Variants in SCUBE3 observed in about 807,000 individuals in gnomAD.
SCUBE3 encodes the protein signal peptide, CUB and EGF-like domain-containing protein 3.
Under a neutral mutation model 116.8 loss-of-function variants are expected in SCUBE3, and 33 were observed. That is an observed-to-expected ratio of 0.28 (90% CI 0.21 to 0.38). SCUBE3 has a LOEUF of 0.38. Ranked by LOEUF, SCUBE3 falls within the 10% of genes least tolerant of loss-of-function variation. SCUBE3 has a pLI of 1.00. For synonymous variants in SCUBE3, 418 were observed against 496.9 expected, an observed-to-expected ratio of 0.84 and a Z score of 2.11; for missense variants, 1,007 against 1,324.8, an observed-to-expected ratio of 0.76 and a Z score of 3.72.
rs779888101 is a variant in SCUBE3 at position 35,235,687 on chromosome 6, G to A, written c.713-2215G>A. 1.4e-4 allele frequency among the ~76,000 whole-genome samples: 21 copies of A among 152,042 alleles called. No individual in the cohort carries two copies. Among genetic ancestry groups the A allele is most frequent in the Non-Finnish European group, 2.5e-4 (17 of 67,988 alleles). On this transcript the variant is annotated intron_variant, in intron 6 of 21. Transcript: ENST00000274938. This position sits in a 1 kb window ranked among gnomAD's most constrained non-coding sequence, Gnocchi z 4.5. ...AACCTGAGTCCCTAAGAGCTGGCCCGGGAGCTTTCATGTTGGTCTCGTCTT... is the reference window on the plus strand; with the variant it reads ...AACCTGAGTCCCTAAGAGCTGGCCCAGGAGCTTTCATGTTGGTCTCGTCTT...
At chr6:35,226,260 T>C (rs958830256) in intron 1 of SCUBE3, among the ~76,000 whole-genome samples, 2 of 152,164 alleles carry the variant, frequency 1.3e-5, no homozygotes, top group East Asian at 3.9e-4. Flanking sequence ...CCTCACCTTA[T>C]CTCTCATGTC....
In SCUBE3 at chr6:35,214,100, C is replaced by G; in HGVS notation, c.-319C>G. On this transcript the variant is annotated 5_prime_UTR_variant, in exon 1 of 22. Coordinates refer to ENST00000274938, the MANE Select transcript of SCUBE3 (RefSeq NM_152753.4). The surrounding 1 kb of genome is among the most constrained non-coding windows in gnomAD (Gnocchi z 6.3). ...AAGCTGGGAATTGGGTGGGATTACA[C>G]GGAGCAGCCCCGCCGCCGCCGCTGG... Among the ~76,000 whole-genome samples the G allele has an allele frequency of 6.6e-6, 1 of 152,174 alleles. No homozygotes were observed. Among genetic ancestry groups the G allele is most frequent in the East Asian group, 1.9e-4 (1 of 5,182 alleles).
rs1209713555 is a variant in SCUBE3 at position 35,216,637 on chromosome 6, A to G, written c.85+2134A>G. Among the ~76,000 whole-genome samples the G allele has an allele frequency of 2.6e-5, 4 of 152,318 alleles. No homozygotes were observed. The South Asian group carries it at 6.2e-4, about 24-fold the overall frequency. ...ACCTTACAGCCTTACCCATAGACAC[A>G]GTCTGTGAGCATCAGGGAGGCCTTA... On this transcript the variant is annotated intron_variant, in intron 1 of 21. Transcript: ENST00000274938.
rs770958135 is a variant in SCUBE3, at chr6:35,240,471, T to C, written c.1050T>C (p.Tyr350=). 4 of 1,602,840 alleles carry C rather than the reference T, an allele frequency of 2.5e-6. No individual in the cohort carries two copies. The highest frequency in any genetic ancestry group is 3.4e-5 in the Admixed American group (2 of 59,586). ...TCTGCCATCGTGGCTACCTGTTGTA[T>C]GGTATCACCCACTGTGGGGGTAAGC... ...QCLCHRGYLL[Y]GITHCGDVDE... The change falls in exon 9 of 22, where the codon TAT becomes TAC. Residue 350 remains tyrosine (Y), a synonymous_variant. Coordinates refer to ENST00000274938, the MANE Select transcript of SCUBE3 (RefSeq NM_152753.4). The surrounding 1 kb of genome is among the most constrained non-coding windows in gnomAD (Gnocchi z 4.6).
chr6:35,233,954 T>A lies in SCUBE3; in HGVS notation c.712+653T>A, dbSNP rs985133944. Among the ~76,000 whole-genome samples, 2 of 152,178 alleles carry A rather than the reference T, an allele frequency of 1.3e-5. No individual in the cohort carries two copies. The highest frequency in any genetic ancestry group is 2.9e-5 in the Non-Finnish European group (2 of 68,034). On this transcript the variant is annotated intron_variant, in intron 6 of 21. Coordinates refer to ENST00000274938, the MANE Select transcript of SCUBE3 (RefSeq NM_152753.4). The surrounding 1 kb of genome is among the most constrained non-coding windows in gnomAD (Gnocchi z 5.7). ...CCTCTCAGCTCCACCAGCAACCCTGTTTCTTCCTCACCAACTCCAGCCTTC... is the reference window on the plus strand; with the variant it reads ...CCTCTCAGCTCCACCAGCAACCCTGATTCTTCCTCACCAACTCCAGCCTTC...
chr6:35,238,765 G>A (rs561075784), intron 7 of SCUBE3, among the ~76,000 whole-genome samples: 1 of 152,232 alleles, frequency 6.6e-6, no homozygotes. Flanking sequence ...GGAAAGGGTG[G>A]AGGAAAAAGG....
chr6:35,241,481 C>A lies in SCUBE3; in HGVS notation c.1196-62C>A. On this transcript the variant is annotated intron_variant, in intron 10 of 21. Coordinates refer to ENST00000274938, the MANE Select transcript of SCUBE3 (RefSeq NM_152753.4). This position sits in a 1 kb window ranked among gnomAD's most constrained non-coding sequence, Gnocchi z 4.1. ...TAGTTATGCAAGTAGCTGATTCCTC[C>A]AAATTACCCAACTGAGGGAAAGGAA... 2 of 1,284,330 alleles carry A rather than the reference C, an allele frequency of 1.6e-6. No individual in the cohort carries two copies. Among genetic ancestry groups the A allele is most frequent in the Non-Finnish European group, 2.3e-6 (2 of 880,076 alleles). The allele number at this position is 1,284,330 out of a possible 1,614,324, so 79.6% of individuals were successfully genotyped here.
chr6:35,241,585 T>C lies in SCUBE3; in HGVS notation c.1238T>C (p.Met413Thr), dbSNP rs759648282. The change falls in exon 11 of 22, where the codon ATG (methionine) becomes ACG (threonine). Residue 413 changes from methionine (M) to threonine (T), a missense_variant. Physicochemically the swap from Met to Thr is moderately conservative, Grantham distance 81 (BLOSUM62 -1). This residue lies in a region of SCUBE3 where 544 missense variants were observed against 638.9 expected (regional missense o/e 0.85). Transcript: ENST00000274938. The surrounding 1 kb of genome is among the most constrained non-coding windows in gnomAD (Gnocchi z 4.1). Reference sequence around the variant, plus strand: ...GGCAGTCCTGGGGCCTCGAAAGCCATGCTCAGCTGCAACCGGTCTGGCAAG... The same window carrying C: ...GGCAGTCCTGGGGCCTCGAAAGCCACGCTCAGCTGCAACCGGTCTGGCAAG... ...CQGSPGASKA[M>T]LSCNRSGKKD... 6.2e-6 allele frequency: 10 copies of C among 1,614,080 alleles called. No individual in the cohort carries two copies. In the Admixed American group the frequency reaches 1.2e-4, roughly 19 times the overall value.
chr6:35,237,864 G>A (rs1783845432), intron 6 of SCUBE3, 38 bp from the exon 7 acceptor site: 3 of 1,353,988 alleles, frequency 2.2e-6, no homozygotes, highest in South Asian at 1.2e-5. Flanking sequence ...CTCCAGGCTT[G>A]TAACCTCATT....
chr6:35,244,652 C>T lies in SCUBE3; in HGVS notation c.2242C>T (p.Gln748Ter). The change falls in exon 18 of 22, where the codon CAG (glutamine) becomes TAG (stop). Residue 748 changes from glutamine to a stop codon, truncating the protein, a stop_gained and splice_region_variant. Coordinates refer to ENST00000274938, the MANE Select transcript of SCUBE3 (RefSeq NM_152753.4). LOFTEE classifies it high-confidence loss of function. This position sits in a 1 kb window ranked among gnomAD's most constrained non-coding sequence, Gnocchi z 4.3. ...ISFQDCDTKV[Q>*]CSPGHYYNTS... is the part of the protein sequence containing the mutation. ...CTGCCCTTCTCCCTTGCCTACAGTCCAGTGCTCCCCAGGGCACTACTACAA... is the reference window on the plus strand; with the variant it reads ...CTGCCCTTCTCCCTTGCCTACAGTCTAGTGCTCCCCAGGGCACTACTACAA... The T allele has an allele frequency of 6.2e-7, 1 of 1,613,742 alleles. No homozygotes were observed.
In SCUBE3 at chr6:35,233,112, A is replaced by G; in HGVS notation, c.596-73A>G. On this transcript the variant is annotated intron_variant, in intron 5 of 21. Transcript: ENST00000274938. This position sits in a 1 kb window ranked among gnomAD's most constrained non-coding sequence, Gnocchi z 5.7. ...GGGGAGGCAACTAGGCAAGGGGGCCAGTACCCACATTGTGGAAAACTGTGG... is the reference window on the plus strand; with the variant it reads ...GGGGAGGCAACTAGGCAAGGGGGCCGGTACCCACATTGTGGAAAACTGTGG... 8 of 1,473,096 alleles carry G rather than the reference A, an allele frequency of 5.4e-6. No individual in the cohort carries two copies. The highest frequency in any genetic ancestry group is 7.6e-6 in the Non-Finnish European group (8 of 1,057,914). 91.3% of individuals were successfully genotyped at this position (1,473,096 alleles called of 1,614,324 possible). A position where few individuals can be genotyped will look rare whatever the true frequency, so the allele number is the denominator to read the frequency against.
rs970835661 is a variant in SCUBE3 at position 35,250,132 on chromosome 6, C to T, written c.*1427C>T. On this transcript the variant is annotated 3_prime_UTR_variant, in exon 22 of 22. Coordinates refer to ENST00000274938, the MANE Select transcript of SCUBE3 (RefSeq NM_152753.4). The stretch of plus-strand genomic sequence containing the variant: ...GCTGTGGTAATCCAGGGTAATTGCG[C>T]AGAGGCATCTGATGTGTAGGAAAGT... 6 of 152,388 alleles carry T rather than the reference C, an allele frequency of 3.9e-5. No homozygotes were observed. Among genetic ancestry groups the T allele is most frequent in the African/African-American group, 1.4e-4 (6 of 41,456 alleles). 9.4% of individuals were successfully genotyped at this position (152,388 alleles called of 1,614,324 possible). A position where few individuals can be genotyped will look rare whatever the true frequency, so the allele number is the denominator to read the frequency against.
At position 35,251,376 on chromosome 6, in the gene SCUBE3, CTT is replaced by C. The variant is rs1206344818; in HGVS notation, c.*2672_*2673del. On this transcript the variant is annotated 3_prime_UTR_variant, in exon 22 of 22. Transcript: ENST00000274938. The stretch of plus-strand genomic sequence containing the variant: ...ATGTTGCCCGGGCTGGTCTTGAACT[CTT>C]GACCTCAGGTGATCCACCCGCCTCA... The C allele has an allele frequency of 6.6e-6, 1 of 152,104 alleles. No individual in the cohort carries two copies. The highest frequency in any genetic ancestry group is 2.4e-5 in the African/African-American group (1 of 41,382). The allele number at this position is 152,104 out of a possible 1,614,324, so 9.4% of individuals were successfully genotyped here. A position where few individuals can be genotyped will look rare whatever the true frequency, so the allele number is the denominator to read the frequency against.
At chr6:35,246,645 C>T (rs940219413) in intron 21 of SCUBE3, among the ~76,000 whole-genome samples, 1 of 152,184 alleles carries the variant, frequency 6.6e-6, no homozygotes. Flanking sequence ...TGCATAAGTC[C>T]CTTCCTTCCC....
intron 1 of SCUBE3, among the ~76,000 whole-genome samples, chr6:35,215,685 T>C (rs1782858051): frequency 6.6e-6 from 1 of 152,184 alleles, no homozygotes; most frequent in South Asian, 2.1e-4. Flanking sequence ...GATGGGCTCC[T>C]GCTCTGTGAA....
chr6:35,245,874 C>T lies in SCUBE3; in HGVS notation c.2600-70C>T. ...CCCTATACCCCCACCACCAGCTGTA[C>T]AGCCCACGTTCTAGGAGGGCTTGGG... On this transcript the variant is annotated intron_variant, in intron 19 of 21. Coordinates refer to ENST00000274938, the MANE Select transcript of SCUBE3 (RefSeq NM_152753.4). This position sits in a 1 kb window ranked among gnomAD's most constrained non-coding sequence, Gnocchi z 4.2. 2 of 1,528,872 alleles carry T rather than the reference C, an allele frequency of 1.3e-6. No homozygotes were observed. The highest frequency in any genetic ancestry group is 1.8e-6 in the Non-Finnish European group (2 of 1,115,394). 94.7% of individuals were successfully genotyped at this position (1,528,872 alleles called of 1,614,324 possible).
chr6:35,234,828 T>C (rs1783692666), intron 6 of SCUBE3, among the ~76,000 whole-genome samples: 1 of 152,210 alleles, frequency 6.6e-6, no homozygotes, highest in Admixed American at 6.5e-5. Flanking sequence ...GAGCTTGGGC[T>C]CTTCTCTAAC....
At chr6:35,234,727 G>A (rs962499931) in intron 6 of SCUBE3, among the ~76,000 whole-genome samples, 5 of 152,212 alleles carry the variant, frequency 3.3e-5, no homozygotes, top group Non-Finnish European at 7.3e-5. Context: ...AGATGCATGA[G>A]TCAGGGGCCA....
chr6:35,242,891 C>G, intron 14 of SCUBE3, 111 bp downstream of exon 14: 1 of 1,509,846 alleles, frequency 6.6e-7, no homozygotes, highest in Non-Finnish European at 9.2e-7. Context: ...AGGGGCAGAC[C>G]CTGCCTGGTG....
Sources: gnomAD v4.1 joint callset for allele counts (sites outside exome capture counted in the v4.1 genomes callset) on GRCh38, gnomAD v4.1.1 for gene constraint, gnomAD v4.1.1 regional missense constraint, Gnocchi (gnomAD v3.1) non-coding constraint, MANE v1.5 for transcripts, NCBI Gene and HGNC (gene_info 2026-07-23, HGNC 2026-07-21) for gene names.